RYR2: variants seen among roughly 807,000 people sequenced by gnomAD.
RYR2 encodes the protein cardiac muscle ryanodine receptor-calcium release channel.
A neutral mutation model predicts 601.1 loss-of-function variants in RYR2; 227 were observed. The ratio of observed to expected loss-of-function variants is 0.38; its 90% CI spans 0.34 to 0.42. The LOEUF is 0.42. Among genes scored for constraint, RYR2 ranks in the 10% least tolerant of loss-of-function variants. RYR2 has a pLI of 1.00. For missense variants in RYR2, 4,646 were observed against 6,156.5 expected (o/e 0.75, Z 8.21); for synonymous variants, 2,223 against 2,175.1 (o/e 1.02, Z -0.61).
At chr1:237,394,965 A>G (rs1006883618) in intron 10 of RYR2, among the ~76,000 whole-genome samples, 1 of 152,192 alleles carries the variant, frequency 6.6e-6, no homozygotes, top group African/African-American at 2.4e-5. Flanking sequence ...GCAAGAGAGC[A>G]AAGGGGAAGT....
At chr1:237,542,171 G>A (rs535155009) in intron 25 of RYR2, among the ~76,000 whole-genome samples, 149 of 151,994 alleles carry the variant, frequency 9.8e-4, no homozygotes, top group African/African-American at 3.3e-3. Flanking sequence ...TCGGCTCACC[G>A]CAAGCTCCGC....
At chr1:237,440,275 A>G (rs541409684) in intron 12 of RYR2, among the ~76,000 whole-genome samples, 1 of 152,334 alleles carries the variant, frequency 6.6e-6, no homozygotes, top group Non-Finnish European at 1.5e-5. Context: ...ACTCTGACTG[A>G]ATCTTCAAAA....
intron 87 of RYR2, among the ~76,000 whole-genome samples, chr1:237,775,779 G>A (rs1694615304): frequency 6.6e-6 from 1 of 152,170 alleles, no homozygotes; most frequent in Non-Finnish European, 1.5e-5. Flanking sequence ...GGTCCTTCTG[G>A]TAGTTAGCAA....
intron 10 of RYR2, among the ~76,000 whole-genome samples, chr1:237,394,127 A>T (rs1192329811): frequency 6.6e-6 from 1 of 152,240 alleles, no homozygotes; most frequent in African/African-American, 2.4e-5. Context: ...CTTAATCTAT[A>T]TGTAAGCAAT....
At chr1:237,605,286 G>A (rs980271762) in intron 35 of RYR2, among the ~76,000 whole-genome samples, 3 of 152,110 alleles carry the variant, frequency 2.0e-5, no homozygotes, top group African/African-American at 4.8e-5. Context: ...ATTAATAAAC[G>A]TAATCCAGCA....
At chr1:237,745,794 C>T (rs1229187595) in intron 80 of RYR2, among the ~76,000 whole-genome samples, 2 of 152,122 alleles carry the variant, frequency 1.3e-5, no homozygotes, top group Non-Finnish European at 2.9e-5. Context: ...ACAGAGGATA[C>T]AGACCAGCAG....
intron 36 of RYR2, among the ~76,000 whole-genome samples, chr1:237,612,721 C>T (rs555880246): frequency 5.7e-4 from 87 of 152,150 alleles, no homozygotes; most frequent in African/African-American, 1.9e-3. Flanking sequence ...TGAAGGAAAA[C>T]GTTGTGTCTC....
intron 73 of RYR2, among the ~76,000 whole-genome samples, chr1:237,722,594 T>C (rs2090875): frequency 0.94 from 143,114 of 151,926 alleles, 67,825 homozygotes; most frequent in Non-Finnish European, 1. Context: ...CCACCACGCC[T>C]GGCTAATTTT....
chr1:237,766,556 C>G (rs1040569240), intron 84 of RYR2, among the ~76,000 whole-genome samples: 1 of 152,128 alleles, frequency 6.6e-6, no homozygotes, highest in African/African-American at 2.4e-5. Context: ...TGAAAAATTA[C>G]TCATAGGCAA....
intron 3 of RYR2, among the ~76,000 whole-genome samples, chr1:237,355,336 T>A (rs1699205547): frequency 6.6e-6 from 1 of 152,176 alleles, no homozygotes; most frequent in South Asian, 2.1e-4. Context: ...CTTTTTTGTT[T>A]GTTCTGTTTA....
rs1558379303 is a variant in RYR2 at position 237,180,622 on chromosome 1, A to ATGTATATGTG, written c.49-89873_49-89864dup. 7.7e-5 allele frequency among the ~76,000 whole-genome samples: 1 copy of ATGTATATGTG among 12,972 alleles called. No individual in the cohort carries two copies. The highest frequency in any genetic ancestry group is 6.2e-3 in the East Asian group (1 of 162). The allele number at this position is 12,972 out of a possible 152,430, so 8.5% of individuals were successfully genotyped here. On this transcript the variant is annotated intron_variant, in intron 1 of 104. Coordinates refer to ENST00000366574, the MANE Select transcript of RYR2 (RefSeq NM_001035.3). The surrounding 1 kb of genome is among the most constrained non-coding windows in gnomAD (Gnocchi z 5.3). ...AGTATATATATGTATATATGTATAT[A>ATGTATATGTG]TGTATATGTGTATATATGTATATGT...
At chr1:237,605,887 A>G (rs912620404) in intron 35 of RYR2, among the ~76,000 whole-genome samples, 1 of 151,332 alleles carries the variant, frequency 6.6e-6, no homozygotes, top group Non-Finnish European at 1.5e-5. Context: ...TTCAAGGAGA[A>G]CTACAAACCA....
At chr1:237,517,757 AC>A (rs1381878348) in intron 24 of RYR2, among the ~76,000 whole-genome samples, 1 of 152,188 alleles carries the variant, frequency 6.6e-6, no homozygotes, top group Non-Finnish European at 1.5e-5. Flanking sequence ...ACAGAGTGGT[AC>A]ATTTATAACA....
At chr1:237,347,427 C>A (rs1014340442) in intron 3 of RYR2, among the ~76,000 whole-genome samples, 6 of 152,102 alleles carry the variant, frequency 3.9e-5, no homozygotes, top group Non-Finnish European at 7.4e-5. Context: ...GGGATGAATT[C>A]ACTGCTTGTT....
chr1:237,594,743 G>T (rs1675613293), intron 33 of RYR2, among the ~76,000 whole-genome samples: 1 of 151,642 alleles, frequency 6.6e-6, no homozygotes, highest in Admixed American at 6.6e-5. Flanking sequence ...AGCCTTTTTT[G>T]CTGGTTTTGT....
At chr1:237,524,984 T>G (rs528128062) in intron 24 of RYR2, among the ~76,000 whole-genome samples, 87 of 152,248 alleles carry the variant, frequency 5.7e-4, no homozygotes, top group African/African-American at 1.9e-3. Flanking sequence ...TATATTGCTA[T>G]GTACAGAGAT....
intron 38 of RYR2, among the ~76,000 whole-genome samples, chr1:237,619,675 G>C (rs1678865140): frequency 6.6e-6 from 1 of 152,018 alleles, no homozygotes; most frequent in Admixed American, 6.5e-5. Context: ...ACACATCATA[G>C]TCAAATTTCT....
intron 33 of RYR2, 106 bp downstream of exon 33, chr1:237,593,742 G>A: frequency 1.7e-6 from 2 of 1,171,826 alleles, no homozygotes; most frequent in South Asian, 2.9e-5. Context: ...TCTATTTATA[G>A]GAAGAATATA....
At chr1:237,664,990 C>T (rs935731670) in intron 56 of RYR2, among the ~76,000 whole-genome samples, 3 of 152,150 alleles carry the variant, frequency 2.0e-5, no homozygotes, top group Non-Finnish European at 4.4e-5. Context: ...ATGAGAATAG[C>T]CATTTACTAA....
Sources: allele counts gnomAD v4.1 joint callset (sites outside exome capture counted in the v4.1 genomes callset), GRCh38; gene constraint gnomAD v4.1.1; non-coding constraint Gnocchi (gnomAD v3.1); transcripts MANE v1.5; gene names NCBI Gene and HGNC (gene_info 2026-07-23, HGNC 2026-07-21).